CFTR: variants seen among roughly 807,000 people sequenced by gnomAD.
The protein encoded by CFTR is CF transmembrane conductance regulator.
In CFTR, 181 loss-of-function variants were observed where a neutral mutation model predicts 171.6. That is an observed-to-expected ratio of 1.05 (90% CI 0.93 to 1.19). CFTR has a LOEUF of 1.19. CFTR is among the 50% of genes most tolerant of loss of function. CFTR has a pLI of 0.00. For missense variants in CFTR, 1,968 were observed against 1,734.7 expected (o/e 1.13, Z -2.39); for synonymous variants, 583 against 608.0 (o/e 0.96, Z 0.60).
chr7:117,602,806 T>A lies in CFTR; in HGVS notation c.2620-20T>A. The A allele has an allele frequency of 6.2e-7, 1 of 1,612,888 alleles. No individual in the cohort carries two copies. Among genetic ancestry groups the A allele is most frequent in the Non-Finnish European group, 8.5e-7 (1 of 1,178,864 alleles). On this transcript the variant is annotated intron_variant, in intron 15 of 26. Coordinates refer to ENST00000003084, the MANE Select transcript of CFTR (RefSeq NM_000492.4). Reference sequence around the variant, plus strand: ...TGAAGATGTTAGAAAAAAAATCAACTGTGTCTTGTTCCATTCCAGGTGGCT... The same window carrying A: ...TGAAGATGTTAGAAAAAAAATCAACAGTGTCTTGTTCCATTCCAGGTGGCT...
chr7:117,632,864 G>T (rs1792770171), intron 22 of CFTR, among the ~76,000 whole-genome samples: 1 of 152,196 alleles, frequency 6.6e-6, no homozygotes, highest in African/African-American at 2.4e-5. Flanking sequence ...TGAGCACAGA[G>T]TTGGGAAACT....
At chr7:117,544,196 C>T (rs1351550613) in intron 9 of CFTR, among the ~76,000 whole-genome samples, 1 of 152,186 alleles carries the variant, frequency 6.6e-6, no homozygotes, top group Non-Finnish European at 1.5e-5. Flanking sequence ...CTACAGAACA[C>T]TTACTTTATC....
At chr7:117,644,353 T>C (rs1487020148) in intron 23 of CFTR, among the ~76,000 whole-genome samples, 1 of 152,152 alleles carries the variant, frequency 6.6e-6, no homozygotes, top group Non-Finnish European at 1.5e-5. Context: ...AAGAGACGCT[T>C]TTATTTTCCT....
At chr7:117,618,852 T>C (rs1792531541) in intron 21 of CFTR, among the ~76,000 whole-genome samples, 1 of 152,158 alleles carries the variant, frequency 6.6e-6, no homozygotes, top group Non-Finnish European at 1.5e-5. Context: ...ACCCCTGCAA[T>C]TTAAAAAATA....
In CFTR at chr7:117,587,812, G is replaced by C. The variant is rs121909044; in HGVS notation, c.1658G>C (p.Arg553Pro). Residue 553 changes from arginine (R) to proline (P), a missense_variant, in exon 12 of 27, where the codon CGA (arginine) becomes CCA (proline). Physicochemically the swap from Arg to Pro is moderately radical, Grantham distance 103 (BLOSUM62 -2). Transcript: ENST00000003084. ...GGAATCACACTGAGTGGAGGTCAAC[G>C]AGCAAGAATTTCTTTAGCAAGGTGA... ...EGGITLSGGQ[R>P]ARISLARAVY... 1 of 1,606,196 alleles carries C rather than the reference G, an allele frequency of 6.2e-7. No individual in the cohort carries two copies.
chr7:117,636,658 G>C (rs993396564), intron 22 of CFTR, among the ~76,000 whole-genome samples: 1 of 151,388 alleles, frequency 6.6e-6, no homozygotes, highest in Non-Finnish European at 1.5e-5. Context: ...TTCTTCAGCT[G>C]TGTTCAGTCT....
chr7:117,513,660 A>C (rs988972840), intron 3 of CFTR, among the ~76,000 whole-genome samples: 1 of 152,214 alleles, frequency 6.6e-6, no homozygotes, highest in African/African-American at 2.4e-5. Flanking sequence ...CTGTGCATAG[A>C]GAGCCTGTGG....
intron 11 of CFTR, 37 bp from the exon 12 acceptor site, chr7:117,587,702 T>C (rs199672916): frequency 1.7e-6 from 2 of 1,208,190 alleles, no homozygotes; most frequent in East Asian, 2.3e-5. Context: ...TTGAGCATAC[T>C]AAAAGTGACT....
chr7:117,572,104 C>T (rs911312784), intron 11 of CFTR, among the ~76,000 whole-genome samples: 5 of 152,198 alleles, frequency 3.3e-5, no homozygotes, highest in Non-Finnish European at 5.9e-5. Context: ...CGGGTTCAAG[C>T]GATTCTCCTG....
chr7:117,621,771 A>G (rs1252530825), intron 21 of CFTR, among the ~76,000 whole-genome samples: 1 of 152,212 alleles, frequency 6.6e-6, no homozygotes, highest in Non-Finnish European at 1.5e-5. Context: ...TGGAAGCTAC[A>G]TAGATCCAAT....
At chr7:117,557,021 T>A (rs570531931) in intron 10 of CFTR, among the ~76,000 whole-genome samples, 25 of 152,192 alleles carry the variant, frequency 1.6e-4, no homozygotes, top group Admixed American at 4.6e-4. Flanking sequence ...TTTTTGTTGT[T>A]TTTCTAGTTT....
intron 15 of CFTR, among the ~76,000 whole-genome samples, chr7:117,596,181 G>GC (rs58313884): frequency 1 from 152,238 of 152,242 alleles, 76,117 homozygotes; most frequent in Middle Eastern, 1. Flanking sequence ...GGCTGCGGGT[G>GC]CCTTGTGGGC....
rs191753459 is a variant in CFTR, at chr7:117,552,085, C to T, written c.1392+3262C>T. 7.1e-3 allele frequency among the ~76,000 whole-genome samples: 1,077 copies of T among 152,030 alleles called. 4 individuals are homozygous for T. The highest frequency in any genetic ancestry group is 0.011 in the Non-Finnish European group (739 of 67,982). On this transcript the variant is annotated intron_variant, in intron 10 of 26. Transcript: ENST00000003084. Reference sequence around the variant, plus strand: ...TTGAATATATATATATACACACACACATATATATATGACACTATACATGAT... The same window carrying T: ...TTGAATATATATATATACACACACATATATATATATGACACTATACATGAT...
chr7:117,495,179 A>G (rs1798218808), intron 1 of CFTR, among the ~76,000 whole-genome samples: 1 of 152,158 alleles, frequency 6.6e-6, no homozygotes, highest in South Asian at 2.1e-4. Context: ...CTTATACAGG[A>G]TGCAGCAATT....
chr7:117,502,059 T>G (rs1208322080), intron 1 of CFTR, among the ~76,000 whole-genome samples: 1 of 152,208 alleles, frequency 6.6e-6, no homozygotes, highest in Non-Finnish European at 1.5e-5. Context: ...AAGTCAGTTT[T>G]TGTTTTTGTT....
intron 7 of CFTR, among the ~76,000 whole-genome samples, chr7:117,537,984 A>C (rs952316352): frequency 5.3e-5 from 8 of 152,160 alleles, no homozygotes; most frequent in Admixed American, 4.6e-4. Flanking sequence ...TGGCTGGGTC[A>C]TTCTTGGTGC....
chr7:117,557,580 A>G (rs1799381075), intron 10 of CFTR, among the ~76,000 whole-genome samples: 1 of 152,038 alleles, frequency 6.6e-6, no homozygotes, highest in Non-Finnish European at 1.5e-5. Flanking sequence ...AATTTAATAT[A>G]TAGATACTTA....
intron 22 of CFTR, among the ~76,000 whole-genome samples, chr7:117,637,241 T>C (rs1792840541): frequency 6.6e-6 from 1 of 151,880 alleles, no homozygotes; most frequent in African/African-American, 2.4e-5. Flanking sequence ...TTTTTGCCTT[T>C]TAGTAAGCCT....
intron 21 of CFTR, among the ~76,000 whole-genome samples, chr7:117,625,332 A>G (rs1009247503): frequency 6.6e-6 from 1 of 152,212 alleles, no homozygotes; most frequent in African/African-American, 2.4e-5. Context: ...CACATTTGAC[A>G]TTAGAAGTTC....
Sources: allele counts gnomAD v4.1 joint callset (sites outside exome capture counted in the v4.1 genomes callset), GRCh38; gene constraint gnomAD v4.1.1; transcripts MANE v1.5; gene names NCBI Gene and HGNC (gene_info 2026-07-23, HGNC 2026-07-21).